CERS6: variants seen among roughly 807,000 people sequenced by gnomAD.
CERS6 encodes ceramide synthase 6.
In CERS6, 26 loss-of-function variants were observed where a neutral mutation model predicts 56.8. The observed-to-expected ratio is 0.46, with a 90% CI of 0.34 to 0.63. The LOEUF (loss-of-function observed/expected upper bound fraction) is 0.63, where lower values mean the gene tolerates loss of function less well. Among genes scored for constraint, CERS6 ranks in the 30% least tolerant of loss-of-function variants. The pLI is 0.01. For synonymous variants in CERS6, 164 were observed against 173.3 expected, an observed-to-expected ratio of 0.95 and a Z score of 0.42; for missense variants, 415 against 467.5, an observed-to-expected ratio of 0.89 and a Z score of 1.04.
chr2:168,709,882 G>A (rs991518750), intron 6 of CERS6, among the ~76,000 whole-genome samples: 1 of 152,148 alleles, frequency 6.6e-6, no homozygotes, highest in African/African-American at 2.4e-5. Flanking sequence ...AATGTGTTGG[G>A]TAAGGAGGAT....
chr2:168,475,403 T>G (rs1429581095), intron 1 of CERS6, among the ~76,000 whole-genome samples: 2 of 151,918 alleles, frequency 1.3e-5, no homozygotes, highest in African/African-American at 2.4e-5. Flanking sequence ...AATAAAGACA[T>G]TCTAGGATGG....
At chr2:168,746,960 C>T (rs1041208937) in intron 8 of CERS6, among the ~76,000 whole-genome samples, 1 of 151,124 alleles carries the variant, frequency 6.6e-6, no homozygotes, top group Non-Finnish European at 1.5e-5. Context: ...ATCAGAAGTA[C>T]CTAGTGTTAA....
chr2:168,701,139 G>A (rs1686795932), intron 6 of CERS6, among the ~76,000 whole-genome samples: 1 of 152,182 alleles, frequency 6.6e-6, no homozygotes, highest in South Asian at 2.1e-4. Flanking sequence ...CAGGCAAGCA[G>A]AGTCCCTGGC....
chr2:168,600,431 C>T (rs186062463), intron 3 of CERS6, among the ~76,000 whole-genome samples: 2,347 of 152,226 alleles, frequency 0.015, 22 homozygotes, highest in Middle Eastern at 0.031. Context: ...GTCTCGATCT[C>T]CTGACCTAAT....
chr2:168,654,318 G>A (rs1213367657), intron 4 of CERS6, among the ~76,000 whole-genome samples: 1 of 152,112 alleles, frequency 6.6e-6, no homozygotes, highest in Non-Finnish European at 1.5e-5. Flanking sequence ...GGAGGCCGAG[G>A]TAGGTGGATC....
At chr2:168,558,361 A>T (rs1051168136) in intron 2 of CERS6, among the ~76,000 whole-genome samples, 6 of 152,214 alleles carry the variant, frequency 3.9e-5, no homozygotes, top group African/African-American at 1.4e-4. Context: ...GTCCATTAAT[A>T]GCAGAATGGA....
At chr2:168,615,462 A>G (rs1209544555) in intron 3 of CERS6, among the ~76,000 whole-genome samples, 2 of 152,144 alleles carry the variant, frequency 1.3e-5, no homozygotes, top group African/African-American at 4.8e-5. Context: ...AACGAAATAA[A>G]AAAAAAATGA....
chr2:168,468,233 C>T (rs1693918073), intron 1 of CERS6, among the ~76,000 whole-genome samples: 1 of 152,156 alleles, frequency 6.6e-6, no homozygotes, highest in East Asian at 1.9e-4. Context: ...GATGGTCTCC[C>T]TCTGGGTGGA....
intron 9 of CERS6, among the ~76,000 whole-genome samples, chr2:168,767,188 A>G (rs973733237): frequency 1.3e-5 from 2 of 152,182 alleles, no homozygotes; most frequent in Non-Finnish European, 2.9e-5. Flanking sequence ...ATGATGATTA[A>G]TTTTATTCTA....
At chr2:168,473,694 C>G (rs1694018262) in intron 1 of CERS6, among the ~76,000 whole-genome samples, 1 of 151,884 alleles carries the variant, frequency 6.6e-6, no homozygotes, top group Non-Finnish European at 1.5e-5. Flanking sequence ...AATGATATGT[C>G]TATAGTCTCA....
At chr2:168,593,483 G>T (rs936019793) in intron 3 of CERS6, among the ~76,000 whole-genome samples, 3 of 152,194 alleles carry the variant, frequency 2.0e-5, no homozygotes, top group African/African-American at 7.2e-5. Context: ...TGTACCTGCT[G>T]TCATGATCAT....
intron 1 of CERS6, among the ~76,000 whole-genome samples, chr2:168,518,851 G>T (rs1032089816): frequency 2.6e-4 from 39 of 152,224 alleles, no homozygotes; most frequent in African/African-American, 7.9e-4. Context: ...CTCTGAGGCT[G>T]ACCGTTGGTA....
At chr2:168,466,356 A>G (rs1368800813) in intron 1 of CERS6, among the ~76,000 whole-genome samples, 1 of 152,180 alleles carries the variant, frequency 6.6e-6, no homozygotes, top group Non-Finnish European at 1.5e-5. Flanking sequence ...AACCAGGATA[A>G]TGAGATAAAA....
At chr2:168,548,958 A>C (rs1427257566) in intron 2 of CERS6, among the ~76,000 whole-genome samples, 2 of 152,196 alleles carry the variant, frequency 1.3e-5, no homozygotes, top group Non-Finnish European at 2.9e-5. Context: ...CATATCTTAC[A>C]GTATTTAAAA....
rs184976322 is a variant in CERS6, at chr2:168,486,479, T to C, written c.170+29861T>C. Among the ~76,000 whole-genome samples, 32 of 151,888 alleles carry C rather than the reference T, an allele frequency of 2.1e-4. 1 individual carries two copies. Among genetic ancestry groups the C allele is most frequent in the Admixed American group, 2.0e-3 (31 of 15,230 alleles). On this transcript the variant is annotated intron_variant, in intron 1 of 9. Transcript: ENST00000305747. ...TTGCATTCTATGTTTGGATCTGTGA[T>C]CCATTTTGAGCTGATTTTTGTTAAA...
chr2:168,621,263 G>A (rs924631380), intron 3 of CERS6, among the ~76,000 whole-genome samples: 2 of 152,128 alleles, frequency 1.3e-5, no homozygotes, highest in Non-Finnish European at 1.5e-5. Flanking sequence ...CTAAAGAATT[G>A]TGACCTTTGC....
At chr2:168,596,931 T>C (rs1683815242) in intron 3 of CERS6, among the ~76,000 whole-genome samples, 1 of 152,214 alleles carries the variant, frequency 6.6e-6, no homozygotes, top group Non-Finnish European at 1.5e-5. Flanking sequence ...AATTCAAGAA[T>C]CCTTTTATTG....
rs187303592 is a variant in CERS6, at chr2:168,676,363, G to T, written c.466-14671G>T. Among the ~76,000 whole-genome samples, 221 of 152,066 alleles carry T rather than the reference G, an allele frequency of 1.5e-3. 1 individual carries two copies. Among genetic ancestry groups the T allele is most frequent in the Admixed American group, 5.2e-3 (80 of 15,286 alleles). On this transcript the variant is annotated intron_variant, in intron 4 of 9. Transcript: ENST00000305747. ...ATGCATTGGTCATTTGGAATTTACT[G>T]GTCCACTGATGTACGGAGATCTTGC...
At chr2:168,764,094 C>T (rs1684659799) in intron 8 of CERS6, among the ~76,000 whole-genome samples, 1 of 152,176 alleles carries the variant, frequency 6.6e-6, no homozygotes, top group Non-Finnish European at 1.5e-5. Context: ...AATTCAAATA[C>T]ATACTCTTAC....
Sources: gnomAD v4.1 joint callset for allele counts (sites outside exome capture counted in the v4.1 genomes callset) on GRCh38, gnomAD v4.1.1 for gene constraint, MANE v1.5 for transcripts, NCBI Gene and HGNC (gene_info 2026-07-23, HGNC 2026-07-21) for gene names.